KIRREL3: variants seen among roughly 807,000 people sequenced by gnomAD.
KIRREL3 encodes the protein kirre like nephrin family adhesion molecule 3, also known as kin of IRRE-like protein 3.
Under a neutral mutation model 89.7 loss-of-function variants are expected in KIRREL3, and 36 were observed. The ratio of observed to expected loss-of-function variants is 0.40; its 90% CI spans 0.31 to 0.53. The LOEUF is 0.53. Among genes scored for constraint, KIRREL3 ranks in the 20% least tolerant of loss-of-function variants. The pLI is 0.49. For synonymous variants in KIRREL3, 445 were observed against 441.4 expected, an observed-to-expected ratio of 1.01 and a Z score of -0.10; for missense variants, 864 against 1,056.6, an observed-to-expected ratio of 0.82 and a Z score of 2.53.
At chr11:126,451,217 G>A (rs1266907097) in intron 7 of KIRREL3, among the ~76,000 whole-genome samples, 1 of 147,832 alleles carries the variant, frequency 6.8e-6, no homozygotes, top group East Asian at 2.1e-4. Context: ...GTGCATGTGT[G>A]GGTGTGTGTA....
chr11:126,918,541 A>T lies in KIRREL3; in HGVS notation c.55+81914T>A, dbSNP rs1273963360. Among the ~76,000 whole-genome samples the T allele has an allele frequency of 6.6e-6, 1 of 152,198 alleles. No homozygotes were observed. ...GCTGAATTATTACGTTTTTGCATAA[A>T]CATTCTTCACCATCATCCACTCATG... On this transcript the variant is annotated intron_variant, in intron 1 of 16. Transcript: ENST00000525144. The surrounding 1 kb of genome is among the most constrained non-coding windows in gnomAD (Gnocchi z 6.5).
intron 4 of KIRREL3, among the ~76,000 whole-genome samples, chr11:126,478,028 G>C (rs1957113986): frequency 6.6e-6 from 1 of 152,226 alleles, no homozygotes; most frequent in Non-Finnish European, 1.5e-5. Flanking sequence ...GGTGTTGCCT[G>C]CAAGCACCAG....
intron 1 of KIRREL3, among the ~76,000 whole-genome samples, chr11:126,751,666 G>T (rs61897921): frequency 6.7e-6 from 1 of 149,618 alleles, no homozygotes; most frequent in Non-Finnish European, 1.5e-5. Flanking sequence ...TTCTTTTTGA[G>T]GAAAAAAAAA....
At chr11:126,713,676 T>C (rs1947847780) in intron 1 of KIRREL3, among the ~76,000 whole-genome samples, 1 of 152,002 alleles carries the variant, frequency 6.6e-6, no homozygotes, top group African/African-American at 2.4e-5. Context: ...AATGACACAA[T>C]CAACTATGCA....
intron 1 of KIRREL3, among the ~76,000 whole-genome samples, chr11:126,630,952 A>G (rs1240728715): frequency 1.3e-5 from 2 of 152,050 alleles, no homozygotes; most frequent in East Asian, 3.9e-4. Flanking sequence ...CAACTAGGAG[A>G]CAGAGGCCCT....
At chr11:126,646,393 G>A (rs949852108) in intron 1 of KIRREL3, among the ~76,000 whole-genome samples, 1 of 151,734 alleles carries the variant, frequency 6.6e-6, no homozygotes, top group African/African-American at 2.4e-5. Flanking sequence ...CCATGCCTTG[G>A]AAAATCCAAT....
In KIRREL3 at chr11:126,522,869, CT is replaced by C. The variant is rs1237555402; in HGVS notation, c.284-1406del. On this transcript the variant is annotated intron_variant, in intron 3 of 16. Transcript: ENST00000525144. This position sits in a 1 kb window ranked among gnomAD's most constrained non-coding sequence, Gnocchi z 6.0. Reference sequence around the variant, plus strand: ...CTCTGGCAGCCCCAGGCTGCTCCTCCTTTTGAAGGACCCTCACCACACAGGG... The same window carrying C: ...CTCTGGCAGCCCCAGGCTGCTCCTCCTTTGAAGGACCCTCACCACACAGGG... Among the ~76,000 whole-genome samples the C allele has an allele frequency of 2.0e-5, 3 of 152,240 alleles. No homozygotes were observed. Among genetic ancestry groups the C allele is most frequent in the Admixed American group, 2.0e-4 (3 of 15,290 alleles).
chr11:126,648,686 T>C (rs1944789621), intron 1 of KIRREL3, among the ~76,000 whole-genome samples: 1 of 152,230 alleles, frequency 6.6e-6, no homozygotes, highest in South Asian at 2.1e-4. Context: ...TTGTTGAACA[T>C]ATATATGTAT....
At position 126,430,176 on chromosome 11, in the gene KIRREL3, G is replaced by A. The variant is rs1955077832; in HGVS notation, c.1697-888C>T. Among the ~76,000 whole-genome samples the A allele has an allele frequency of 6.6e-6, 1 of 151,840 alleles. No homozygotes were observed. The highest frequency in any genetic ancestry group is 1.5e-5 in the Non-Finnish European group (1 of 67,988). ...GAAATTCTTGAGGAGCTGGTGCGGT[G>A]GCTCACGCCTGTAATCCCAGCACAT... On this transcript the variant is annotated intron_variant, in intron 14 of 16. Transcript: ENST00000525144. The surrounding 1 kb of genome is among the most constrained non-coding windows in gnomAD (Gnocchi z 6.6).
chr11:126,991,110 T>A lies in KIRREL3; in HGVS notation c.55+9345A>T, dbSNP rs1332934077. Among the ~76,000 whole-genome samples, 8 of 152,224 alleles carry A rather than the reference T, an allele frequency of 5.3e-5. No individual in the cohort carries two copies. Among genetic ancestry groups the A allele is most frequent in the African/African-American group, 1.9e-4 (8 of 41,458 alleles). On this transcript the variant is annotated intron_variant, in intron 1 of 16. Transcript: ENST00000525144. This position sits in a 1 kb window ranked among gnomAD's most constrained non-coding sequence, Gnocchi z 5.8. ...ACAGAAGGACGCGATGGTTTCCTGT[T>A]GAAGCTGAGCAGTGGGTGGCTTGGC...
intron 1 of KIRREL3, among the ~76,000 whole-genome samples, chr11:126,799,428 ATGTG>A (rs200643797): frequency 0.13 from 8,749 of 68,264 alleles, 1,370 homozygotes; most frequent in East Asian, 0.51. Flanking sequence ...CTCTGTGTGC[ATGTG>A]TGTATCTGTG....
chr11:126,794,161 C>A (rs1174649231), intron 1 of KIRREL3, among the ~76,000 whole-genome samples: 1 of 152,220 alleles, frequency 6.6e-6, no homozygotes, highest in East Asian at 1.9e-4. Flanking sequence ...TCAGATATTT[C>A]TCATGATGGC....
intron 1 of KIRREL3, among the ~76,000 whole-genome samples, chr11:126,737,338 G>A (rs1200443002): frequency 2.0e-5 from 3 of 152,082 alleles, no homozygotes; most frequent in African/African-American, 7.2e-5. Context: ...AAAGCACAGA[G>A]ACGGCACAAG....
At chr11:126,838,722 G>C (rs1943858635) in intron 1 of KIRREL3, among the ~76,000 whole-genome samples, 1 of 152,114 alleles carries the variant, frequency 6.6e-6, no homozygotes, top group African/African-American at 2.4e-5. Context: ...GTGGTAAATG[G>C]AATTTTTTGC....
chr11:126,795,845 A>T lies in KIRREL3; in HGVS notation c.55+204610T>A, dbSNP rs972994872. Among the ~76,000 whole-genome samples, 1 of 152,104 alleles carries T rather than the reference A, an allele frequency of 6.6e-6. No individual in the cohort carries two copies. The highest frequency in any genetic ancestry group is 2.4e-5 in the African/African-American group (1 of 41,428). Reference sequence around the variant, plus strand: ...CCAAGAGCGTACATCAGCTCTTTGGAGGGGCATGTAGATACCCCATGCCAG... The same window carrying T: ...CCAAGAGCGTACATCAGCTCTTTGGTGGGGCATGTAGATACCCCATGCCAG... On this transcript the variant is annotated intron_variant, in intron 1 of 16. Transcript: ENST00000525144. The surrounding 1 kb of genome is among the most constrained non-coding windows in gnomAD (Gnocchi z 4.1).
At chr11:126,789,716 C>A (rs1484431985) in intron 1 of KIRREL3, among the ~76,000 whole-genome samples, 2 of 152,182 alleles carry the variant, frequency 1.3e-5, no homozygotes, top group Admixed American at 6.5e-5. Flanking sequence ...AGATTCATTT[C>A]TCTTCAATAT....
chr11:126,845,216 C>A (rs1281731155), intron 1 of KIRREL3, among the ~76,000 whole-genome samples: 6 of 152,198 alleles, frequency 3.9e-5, no homozygotes, highest in Admixed American at 2.6e-4. Flanking sequence ...TCTTATGTTG[C>A]AGCTTGGCAC....
In KIRREL3 at chr11:126,747,658, T is replaced by G. The variant is rs1244803107; in HGVS notation, c.56-184746A>C. ...TGAGAGCGCATCTCCCTTGAGTTCCTTGAGACTAGAAACGGTTTTATTTAT... is the reference window on the plus strand; with the variant it reads ...TGAGAGCGCATCTCCCTTGAGTTCCGTGAGACTAGAAACGGTTTTATTTAT... On this transcript the variant is annotated intron_variant, in intron 1 of 16. Transcript: ENST00000525144. The surrounding 1 kb of genome is among the most constrained non-coding windows in gnomAD (Gnocchi z 4.7). 6.6e-6 allele frequency among the ~76,000 whole-genome samples: 1 copy of G among 152,158 alleles called. No homozygotes were observed. The highest frequency in any genetic ancestry group is 1.5e-5 in the Non-Finnish European group (1 of 68,032).
rs1950287507 is a variant in KIRREL3, at chr11:127,000,369, A to G, written c.55+86T>C. 8.6e-7 allele frequency: 1 copy of G among 1,156,600 alleles called. No individual in the cohort carries two copies. The highest frequency in any genetic ancestry group is 1.2e-6 in the Non-Finnish European group (1 of 807,598). 71.6% of individuals were successfully genotyped at this position (1,156,600 alleles called of 1,614,324 possible). A position where few individuals can be genotyped will look rare whatever the true frequency, so the allele number is the denominator to read the frequency against. On this transcript the variant is annotated intron_variant, in intron 1 of 16. Transcript: ENST00000525144. This position sits in a 1 kb window ranked among gnomAD's most constrained non-coding sequence, Gnocchi z 7.1. ...CGCATCCATCAGTCCGAGTTCCCGA[A>G]GCCTGCCCACGTTCCTGCCCACAGC...
Sources: allele counts gnomAD v4.1 joint callset (sites outside exome capture counted in the v4.1 genomes callset), GRCh38; gene constraint gnomAD v4.1.1; non-coding constraint Gnocchi (gnomAD v3.1); transcripts MANE v1.5; gene names NCBI Gene and HGNC (gene_info 2026-07-23, HGNC 2026-07-21).